Variants in SYNE1 observed in about 807,000 individuals in gnomAD.
SYNE1 encodes the protein spectrin repeat containing nuclear envelope protein 1, also known as nesprin-1.
In SYNE1, 616 loss-of-function variants were observed where a neutral mutation model predicts 1,111.0. The observed-to-expected ratio is 0.55, with a 90% CI of 0.52 to 0.59. SYNE1 has a LOEUF of 0.59. Ranked by LOEUF, SYNE1 falls within the 20% of genes least tolerant of loss-of-function variation. The probability of loss-of-function intolerance (pLI) is 0.00; values close to 1 mark genes in which losing one functional copy is unlikely to be tolerated. For missense variants in SYNE1, 10,006 were observed against 10,417.0 expected (o/e 0.96, Z 1.72); for synonymous variants, 3,855 against 3,825.8 (o/e 1.01, Z -0.28).
intron 41 of SYNE1, among the ~76,000 whole-genome samples, chr6:152,415,167 G>T (rs916261826): frequency 6.6e-6 from 1 of 152,044 alleles, no homozygotes; most frequent in Admixed American, 6.5e-5. Context: ...GAGTCAGAAG[G>T]TTCTATTAAG....
At chr6:152,589,492 T>A (rs1261946457) in intron 3 of SYNE1, among the ~76,000 whole-genome samples, 1 of 152,148 alleles carries the variant, frequency 6.6e-6, no homozygotes, top group East Asian at 1.9e-4. Context: ...AATAAATGGA[T>A]CTAAACCGGT....
At chr6:152,360,350 C>T (rs2096911250) in intron 64 of SYNE1, among the ~76,000 whole-genome samples, 1 of 152,114 alleles carries the variant, frequency 6.6e-6, no homozygotes, top group South Asian at 2.1e-4. Context: ...TCCACAGGGC[C>T]CGAGGACCTG....
rs558349681 is a variant in SYNE1, at chr6:152,395,771, A to T, written c.7557-100T>A. 7.1e-6 allele frequency: 9 copies of T among 1,271,946 alleles called. No homozygotes were observed. The South Asian group carries it at 1.1e-4, about 16-fold the overall frequency. 78.8% of individuals were successfully genotyped at this position (1,271,946 alleles called of 1,614,324 possible). On this transcript the variant is annotated intron_variant, in intron 50 of 145. Transcript: ENST00000367255. The stretch of plus-strand genomic sequence containing the variant: ...CAATGTCTTTTAAATGGCAATTAAG[A>T]CCTCATGAATGTTCAAGTGACAAAA...
intron 33 of SYNE1, chr6:152,434,696 T>A (rs957533727): frequency 1.3e-5 from 2 of 152,046 alleles, no homozygotes; most frequent in South Asian, 4.1e-4. Flanking sequence ...CAGGTGACTA[T>A]GGCTTTCAGT....
chr6:152,125,381 C>T, intron 145 of SYNE1: 1 of 1,540,812 alleles, frequency 6.5e-7, no homozygotes, highest in South Asian at 1.2e-5. Flanking sequence ...CAGTATCCTG[C>T]AGATCATCAA....
At chr6:152,361,765 T>C (rs2096934984) in intron 64 of SYNE1, among the ~76,000 whole-genome samples, 1 of 151,974 alleles carries the variant, frequency 6.6e-6, no homozygotes, top group Non-Finnish European at 1.5e-5. Context: ...ATTTATTTAT[T>C]TAAAAAAATC....
At chr6:152,508,745 T>C (rs553510322) in intron 8 of SYNE1, among the ~76,000 whole-genome samples, 13 of 152,146 alleles carry the variant, frequency 8.5e-5, no homozygotes, top group East Asian at 1.9e-4. Context: ...GTGGGAAGGG[T>C]TTTTTATTTC....
intron 3 of SYNE1, among the ~76,000 whole-genome samples, chr6:152,589,096 G>A (rs564793490): frequency 1.3e-5 from 2 of 151,984 alleles, no homozygotes; most frequent in Admixed American, 6.5e-5. Flanking sequence ...TAGTAGAGAC[G>A]GGATTTTACC....
rs114405587 is a variant in SYNE1, at chr6:152,407,331, T to C, written c.6541-135A>G. 3,305 of 853,330 alleles carry C rather than the reference T, an allele frequency of 3.9e-3. 71 individuals carry two copies. The African/African-American group carries it at 0.048, about 13-fold the overall frequency. 52.9% of individuals were successfully genotyped at this position (853,330 alleles called of 1,614,324 possible). On this transcript the variant is annotated intron_variant, in intron 44 of 145. Transcript: ENST00000367255. ...AACAGTTCCACAAAAATTATTGTAA[T>C]CTAATAAGTGCACCCAACTCACGTA...
intron 98 of SYNE1, among the ~76,000 whole-genome samples, chr6:152,274,992 T>G (rs2093493085): frequency 6.6e-6 from 1 of 152,178 alleles, no homozygotes; most frequent in African/African-American, 2.4e-5. Flanking sequence ...GCTTAAGGGA[T>G]TCTCCCACCT....
chr6:152,607,874 T>C (rs2099620353), intron 3 of SYNE1, among the ~76,000 whole-genome samples: 1 of 152,226 alleles, frequency 6.6e-6, no homozygotes, highest in South Asian at 2.1e-4. Flanking sequence ...TGAGATCATG[T>C]CCTTTGCAGG....
At chr6:152,471,569 A>G (rs750385343) in intron 16 of SYNE1, 28 bp downstream of exon 16, 20 of 1,610,986 alleles carry the variant, frequency 1.2e-5, no homozygotes, top group African/African-American at 2.7e-5. Context: ...GCTCATAGGA[A>G]TTCTCTGTCA....
Position 152,308,521 on chromosome 6 carries a change from G to A in SYNE1, c.17314C>T (p.Gln5772Ter). The A allele has an allele frequency of 6.2e-7, 1 of 1,613,874 alleles. No individual in the cohort carries two copies. Among genetic ancestry groups the A allele is most frequent in the Non-Finnish European group, 8.5e-7 (1 of 1,179,998 alleles). The change falls in exon 91 of 146, where the codon CAG becomes TAG. Residue 5772 changes from glutamine (Q) to a stop codon, truncating the protein, a stop_gained. Transcript: ENST00000367255. LOFTEE classifies it high-confidence loss of function. ...EDKPVATSNI[Q>*]ELQAQISRHE... ...CGAGAAATCTGAGCCTGCAGCTCCT[G>A]TATGTTACTGGTGGCAACAGGTTTA...
At chr6:152,629,878 T>C (rs2099694976) in intron 2 of SYNE1, among the ~76,000 whole-genome samples, 1 of 151,962 alleles carries the variant, frequency 6.6e-6, no homozygotes, top group Non-Finnish European at 1.5e-5. Flanking sequence ...AGAAAGCTCA[T>C]ACATGTGAGA....
intron 3 of SYNE1, among the ~76,000 whole-genome samples, chr6:152,541,285 T>G (rs2099268355): frequency 6.6e-6 from 1 of 152,214 alleles, no homozygotes. Flanking sequence ...TTTGTTTGTA[T>G]CATCTATGAT....
At chr6:152,497,208 G>A (rs145690901) in intron 11 of SYNE1, among the ~76,000 whole-genome samples, 1 of 152,264 alleles carries the variant, frequency 6.6e-6, no homozygotes, top group East Asian at 1.9e-4. Flanking sequence ...ATCTAACACA[G>A]TGTCTGGCAC....
At chr6:152,371,151 T>A (rs532782131) in intron 59 of SYNE1, among the ~76,000 whole-genome samples, 1 of 151,986 alleles carries the variant, frequency 6.6e-6, no homozygotes, top group Admixed American at 6.6e-5. Context: ...CCACTTGATA[T>A]GGTTTGGCTG....
chr6:152,180,344 A>T, intron 128 of SYNE1, 50 bp from the exon 129 acceptor site: 1 of 1,570,248 alleles, frequency 6.4e-7, no homozygotes, highest in Non-Finnish European at 8.8e-7. Context: ...CAGAGAGAAG[A>T]CCACACTCCA....
At chr6:152,246,250 G>A (rs1219109938) in intron 105 of SYNE1, among the ~76,000 whole-genome samples, 1 of 151,838 alleles carries the variant, frequency 6.6e-6, no homozygotes, top group African/African-American at 2.4e-5. Context: ...TATGCCTTTC[G>A]ATGACATGAA....
Sources: gnomAD v4.1 joint callset for allele counts (sites outside exome capture counted in the v4.1 genomes callset) on GRCh38, gnomAD v4.1.1 for gene constraint, MANE v1.5 for transcripts, NCBI Gene and HGNC (gene_info 2026-07-23, HGNC 2026-07-21) for gene names.